The following SV2C variants were observed in gnomAD, a reference collection of about 807,000 sequenced individuals.
SV2C encodes synaptic vesicle glycoprotein 2C.
Under a neutral mutation model 79.7 loss-of-function variants are expected in SV2C, and 49 were observed. The observed-to-expected ratio is 0.61, with a 90% CI of 0.49 to 0.78. SV2C has a LOEUF of 0.78. Among genes scored for constraint, SV2C ranks in the 30% least tolerant of loss-of-function variants. The pLI is 0.00. For missense variants in SV2C, 833 were observed against 912.9 expected (o/e 0.91, Z 1.13); for synonymous variants, 334 against 333.2 (o/e 1.00, Z -0.03).
Position 76,299,001 on chromosome 5 carries a change from G to A in SV2C, c.1636+74G>A, listed in dbSNP as rs1285636601. 4 of 1,506,062 alleles carry A rather than the reference G, an allele frequency of 2.7e-6. No individual in the cohort carries two copies. In the African/African-American group the frequency reaches 4.1e-5, roughly 16 times the overall value. 93.3% of individuals were successfully genotyped at this position (1,506,062 alleles called of 1,614,324 possible). A position where few individuals can be genotyped will look rare whatever the true frequency, so the allele number is the denominator to read the frequency against. ...CCCACTGTGATAACCATGTGATAAT[G>A]TGGGCAGAGGCTTATGCGGGAAGTG... On this transcript the variant is annotated intron_variant, in intron 10 of 12. Transcript: ENST00000502798.
chr5:75,951,855 C>T, the SV2C span, among the ~76,000 whole-genome samples: 2 of 152,118 alleles, frequency 1.3e-5, no homozygotes, highest in South Asian at 2.1e-4. Flanking sequence ...TATTTGTGGA[C>T]TCAAAGAAAA....
At position 76,159,165 on chromosome 5, in the gene SV2C, G is replaced by A. The variant is rs139725071; in HGVS notation, c.580+26835G>A. Among the ~76,000 whole-genome samples the A allele has an allele frequency of 2.8e-3, 423 of 152,066 alleles. 1 individual carries two copies. Among genetic ancestry groups the A allele is most frequent in the Non-Finnish European group, 3.8e-3 (256 of 67,942 alleles). Reference sequence around the variant, plus strand: ...TAAGACATCTACAAGAAACTCACAGGTAACATCATACTTGATTGGAAAAGA... The same window carrying A: ...TAAGACATCTACAAGAAACTCACAGATAACATCATACTTGATTGGAAAAGA... On this transcript the variant is annotated intron_variant, in intron 2 of 12. Coordinates refer to ENST00000502798, the MANE Select transcript of SV2C (RefSeq NM_014979.4).
chr5:75,983,412 C>A, the SV2C span, among the ~76,000 whole-genome samples: 1 of 151,926 alleles, frequency 6.6e-6, no homozygotes, highest in East Asian at 1.9e-4. Context: ...AGAAGGTCTG[C>A]GGCTTGGGAG....
At chr5:75,994,765 C>A in the SV2C span, among the ~76,000 whole-genome samples, 1 of 152,156 alleles carries the variant, frequency 6.6e-6, no homozygotes, top group Non-Finnish European at 1.5e-5. Context: ...ATTATAGAAA[C>A]TGGCTCACCA....
chr5:75,977,968 C>T, the SV2C span, among the ~76,000 whole-genome samples: 2 of 152,202 alleles, frequency 1.3e-5, no homozygotes, highest in Non-Finnish European at 2.9e-5. Flanking sequence ...CCAGCTACTG[C>T]TCAGTTGCTT....
chr5:76,085,826 T>TACACACACACACACACAC (rs34074817), intron 1 of SV2C, among the ~76,000 whole-genome samples: 6,169 of 141,822 alleles, frequency 0.043, 166 homozygotes, highest in South Asian at 0.062. Flanking sequence ...ACAAAGCCCC[T>TACACACACACACACACAC]ACACACACAC....
the SV2C span, among the ~76,000 whole-genome samples, chr5:76,028,964 T>C: frequency 6.6e-6 from 1 of 152,220 alleles, no homozygotes; most frequent in Admixed American, 6.5e-5. Context: ...CCGTATTTTA[T>C]TCATGTCTAT....
At chr5:76,182,100 A>G (rs1004463553) in intron 2 of SV2C, among the ~76,000 whole-genome samples, 8 of 151,822 alleles carry the variant, frequency 5.3e-5, no homozygotes, top group Admixed American at 6.6e-5. Context: ...CTTGGTTTTT[A>G]TTTTTATTTT....
At chr5:76,259,329 G>A (rs77892219) in intron 4 of SV2C, among the ~76,000 whole-genome samples, 7,230 of 152,252 alleles carry the variant, frequency 0.047, 249 homozygotes, top group Middle Eastern at 0.085. Context: ...CACTTGCCCC[G>A]TGTCCTCACC....
the SV2C span, among the ~76,000 whole-genome samples, chr5:75,926,216 A>G: frequency 6.6e-6 from 1 of 151,848 alleles, no homozygotes; most frequent in Non-Finnish European, 1.5e-5. Context: ...CCAAACTCTC[A>G]TCTGCTTACC....
At chr5:76,320,424 T>C (rs889382175) in intron 12 of SV2C, among the ~76,000 whole-genome samples, 2 of 152,192 alleles carry the variant, frequency 1.3e-5, no homozygotes, top group Non-Finnish European at 2.9e-5. Context: ...TGTAATGTAA[T>C]TGAACTTTGG....
intron 2 of SV2C, among the ~76,000 whole-genome samples, chr5:76,161,164 C>T (rs1742887646): frequency 1.3e-5 from 2 of 152,098 alleles, no homozygotes; most frequent in Admixed American, 6.5e-5. Flanking sequence ...AATATGTACA[C>T]AGTGGGATAT....
At chr5:76,283,043 G>A (rs376613202) in intron 4 of SV2C, among the ~76,000 whole-genome samples, 157 of 150,616 alleles carry the variant, frequency 1.0e-3, no homozygotes, top group Middle Eastern at 3.7e-3. Flanking sequence ...GTCTGGGCGC[G>A]GTGGCTCAGG....
At chr5:75,898,554 CT>C in the SV2C span, among the ~76,000 whole-genome samples, 1 of 152,174 alleles carries the variant, frequency 6.6e-6, no homozygotes, top group African/African-American at 2.4e-5. Context: ...CTCTGCCCGC[CT>C]TTGGTATCAG....
chr5:75,946,790 A>T, the SV2C span, among the ~76,000 whole-genome samples: 1 of 152,116 alleles, frequency 6.6e-6, no homozygotes, highest in Non-Finnish European at 1.5e-5. Flanking sequence ...GGTACAACAC[A>T]AAAGAATTTT....
intron 4 of SV2C, among the ~76,000 whole-genome samples, chr5:76,213,944 A>G (rs1167071738): frequency 2.0e-5 from 3 of 152,078 alleles, no homozygotes; most frequent in East Asian, 1.9e-4. Flanking sequence ...CAGATTTCAC[A>G]TATCGGTGAG....
chr5:75,972,601 G>C, the SV2C span, among the ~76,000 whole-genome samples: 1 of 152,110 alleles, frequency 6.6e-6, no homozygotes. Context: ...GGCCATCAGA[G>C]AAATGCAAAT....
At chr5:76,308,178 T>C (rs1470639361) in intron 12 of SV2C, among the ~76,000 whole-genome samples, 1 of 152,202 alleles carries the variant, frequency 6.6e-6, no homozygotes, top group African/African-American at 2.4e-5. Context: ...CTGTGACTCC[T>C]CTCTGGCAAG....
intron 3 of SV2C, among the ~76,000 whole-genome samples, chr5:76,203,863 C>T (rs534909810): frequency 9.9e-5 from 15 of 152,216 alleles, no homozygotes; most frequent in Non-Finnish European, 2.1e-4. Flanking sequence ...CTACCCAAAT[C>T]ATCCATCCTT....
Sources: allele counts gnomAD v4.1 joint callset (sites outside exome capture counted in the v4.1 genomes callset), GRCh38; gene constraint gnomAD v4.1.1; transcripts MANE v1.5; gene names NCBI Gene and HGNC (gene_info 2026-07-23, HGNC 2026-07-21).